The following EPSTI1 variants were observed in gnomAD, a reference collection of about 807,000 sequenced individuals.
EPSTI1 encodes epithelial stromal interaction 1, also known as epithelial-stromal interaction protein 1.
In EPSTI1, 66 loss-of-function variants were observed where a neutral mutation model predicts 49.9. The observed-to-expected ratio is 1.32, with a 90% confidence interval of 1.08 to 1.62. The LOEUF (loss-of-function observed/expected upper bound fraction) is 1.62. EPSTI1 is among the 40% of genes most tolerant of loss of function. The pLI, the probability that EPSTI1 is intolerant of heterozygous loss-of-function variation, is 0.00. For synonymous variants in EPSTI1, 137 were observed against 130.7 expected (o/e 1.05, Z -0.33); for missense variants, 394 against 365.5 (o/e 1.08, Z -0.64).
At position 42,888,503 on chromosome 13, in the gene EPSTI1, C is replaced by A; in HGVS notation, c.916-1G>T. Reference sequence around the variant, plus strand: ...AGGAGTCAATATTTTCTCATATACCCTGGAAGAAAAAGAAAACAAAAATTA... The same window carrying A: ...AGGAGTCAATATTTTCTCATATACCATGGAAGAAAAAGAAAACAAAAATTA... On this transcript the variant is annotated splice_acceptor_variant, in intron 10 of 10. Transcript: ENST00000313624. LOFTEE classifies it high-confidence loss of function. 6.3e-7 allele frequency: 1 copy of A among 1,584,212 alleles called. No individual in the cohort carries two copies. Among genetic ancestry groups the A allele is most frequent in the Non-Finnish European group, 8.6e-7 (1 of 1,167,180 alleles).
At chr13:42,934,337 T>A (rs140715039) in intron 6 of EPSTI1, 1 of 156,208 alleles carries the variant, frequency 6.4e-6, no homozygotes, top group African/African-American at 2.4e-5. Flanking sequence ...ATCAAAGCAC[T>A]GACTGCAGTG....
chr13:42,961,313 T>G (rs1338872501), intron 5 of EPSTI1, among the ~76,000 whole-genome samples: 1 of 152,110 alleles, frequency 6.6e-6, no homozygotes, highest in Non-Finnish European at 1.5e-5. Flanking sequence ...TCCACCACAG[T>G]CGGTTTCAAA....
intron 1 of EPSTI1, among the ~76,000 whole-genome samples, chr13:42,972,362 T>A (rs922510782): frequency 6.6e-6 from 1 of 152,192 alleles, no homozygotes; most frequent in Non-Finnish European, 1.5e-5. Context: ...AGTTCCAAGA[T>A]GATGCTGTTC....
At chr13:42,968,783 C>G (rs574333451) in intron 3 of EPSTI1, among the ~76,000 whole-genome samples, 110 of 152,156 alleles carry the variant, frequency 7.2e-4, no homozygotes, top group African/African-American at 2.4e-3. Context: ...AGGGCATATG[C>G]AGCGCCCCAG....
intron 5 of EPSTI1, among the ~76,000 whole-genome samples, chr13:42,962,636 T>G (rs67543365): frequency 8.3e-6 from 1 of 120,054 alleles, no homozygotes; most frequent in Non-Finnish European, 1.7e-5. Context: ...AAAAAAAAAA[T>G]AGCTATAGTG....
chr13:42,960,479 CGTT>C (rs1398527707), intron 5 of EPSTI1, among the ~76,000 whole-genome samples: 1 of 152,134 alleles, frequency 6.6e-6, no homozygotes, highest in Non-Finnish European at 1.5e-5. Context: ...GTCTTAGAGA[CGTT>C]GTCTCTGCTT....
chr13:42,982,540 A>G (rs892532495), intron 1 of EPSTI1, among the ~76,000 whole-genome samples: 3 of 152,170 alleles, frequency 2.0e-5, no homozygotes, highest in Admixed American at 1.3e-4. Flanking sequence ...TGGGGTCCGG[A>G]TCAGGACCCC....
intron 2 of EPSTI1, chr13:42,970,350 A>G: frequency 2.9e-6 from 1 of 343,608 alleles, no homozygotes; most frequent in Non-Finnish European, 5.2e-6. Context: ...TTTATTGGCA[A>G]TAAGTGTAAA....
At chr13:42,952,450 G>T (rs2039130063) in intron 6 of EPSTI1, among the ~76,000 whole-genome samples, 1 of 152,188 alleles carries the variant, frequency 6.6e-6, no homozygotes, top group Non-Finnish European at 1.5e-5. Context: ...TTCCGGCTGA[G>T]CCTCAAAATA....
intron 7 of EPSTI1, among the ~76,000 whole-genome samples, chr13:42,926,116 GA>G (rs982445582): frequency 6.6e-6 from 1 of 151,664 alleles, no homozygotes; most frequent in Non-Finnish European, 1.5e-5. Flanking sequence ...TGGGTGAGAG[GA>G]AAAACTTCTC....
At chr13:42,936,838 C>T (rs1305527369) in intron 6 of EPSTI1, among the ~76,000 whole-genome samples, 4 of 152,128 alleles carry the variant, frequency 2.6e-5, no homozygotes, top group Admixed American at 6.5e-5. Context: ...TTAACTTAAA[C>T]TCTTGATATT....
intron 8 of EPSTI1, among the ~76,000 whole-genome samples, chr13:42,915,965 A>G (rs111334590): frequency 1.3e-5 from 2 of 152,126 alleles, no homozygotes; most frequent in Non-Finnish European, 2.9e-5. Context: ...TTCCAAATAT[A>G]TATGTCAAAC....
At chr13:42,936,560 G>A (rs1010823734) in intron 6 of EPSTI1, among the ~76,000 whole-genome samples, 8 of 152,092 alleles carry the variant, frequency 5.3e-5, no homozygotes, top group Admixed American at 2.0e-4. Context: ...CCGACTTCTC[G>A]GATGTCCTTT....
Position 42,921,837 on chromosome 13 carries a change from C to T in EPSTI1, c.658-4213G>A, listed in dbSNP as rs553952704. ...TACAAACACCCAGGACAGGTTAAAG[C>T]AGGAGGAAAGAGGGATCCAGGAGGG... is the stretch of plus-strand genomic sequence containing the variant. On this transcript the variant is annotated intron_variant, in intron 7 of 10. Coordinates refer to ENST00000313624, the MANE Select transcript of EPSTI1 (RefSeq NM_033255.5). Among the ~76,000 whole-genome samples the T allele has an allele frequency of 4.7e-5, 7 of 150,252 alleles. No homozygotes were observed. The South Asian group carries it at 1.3e-3, about 27-fold the overall frequency.
intron 10 of EPSTI1, among the ~76,000 whole-genome samples, chr13:42,893,714 GCTTT>G (rs2037105821): frequency 6.6e-6 from 1 of 152,250 alleles, no homozygotes; most frequent in African/African-American, 2.4e-5. Flanking sequence ...CCAGATAGGT[GCTTT>G]CTAAGTTTTA....
intron 9 of EPSTI1, among the ~76,000 whole-genome samples, chr13:42,896,019 C>A (rs998969688): frequency 1.3e-5 from 2 of 152,134 alleles, no homozygotes; most frequent in African/African-American, 4.8e-5. Context: ...AGGCCAGTGA[C>A]TGTGGGAGAT....
chr13:42,970,692 A>G (rs1430515438), intron 1 of EPSTI1, 22 bp from the exon 2 acceptor site: 2 of 1,463,762 alleles, frequency 1.4e-6, no homozygotes, highest in Middle Eastern at 1.8e-4. Context: ...AGAAAAAAAA[A>G]TGCTTATTAC....
In EPSTI1 at chr13:42,912,939, C is replaced by T. The variant is rs2037728299; in HGVS notation, c.741+4602G>A. 1.3e-5 allele frequency among the ~76,000 whole-genome samples: 2 copies of T among 150,446 alleles called. 1 individual carries two copies. Among genetic ancestry groups the T allele is most frequent in the African/African-American group, 4.9e-5 (2 of 40,838 alleles). ...ATGTCCCAGAAATGGAGAGCAAAGA[C>T]AATAAGGGTAAAGAGACATAAAAGA... On this transcript the variant is annotated intron_variant, in intron 8 of 10. Transcript: ENST00000313624.
rs192189623 is a variant in EPSTI1, at chr13:42,953,240, T to A, written c.563+708A>T. ...CAAATGGCCTATAAGATAGATATTATCTGTATTTAAGAAAAAAAAAAAAAA... is the reference window on the plus strand; with the variant it reads ...CAAATGGCCTATAAGATAGATATTAACTGTATTTAAGAAAAAAAAAAAAAA... On this transcript the variant is annotated intron_variant, in intron 6 of 10. Transcript: ENST00000313624. Among the ~76,000 whole-genome samples the A allele has an allele frequency of 9.0e-3, 999 of 110,900 alleles. 11 individuals carry two copies. The highest frequency in any genetic ancestry group is 0.031 in the Middle Eastern group (8 of 258). 72.8% of individuals were successfully genotyped at this position (110,900 alleles called of 152,430 possible). A position where few individuals can be genotyped will look rare whatever the true frequency, so the allele number is the denominator to read the frequency against.
Sources: gnomAD v4.1 joint callset for allele counts (sites outside exome capture counted in the v4.1 genomes callset) on GRCh38, gnomAD v4.1.1 for gene constraint, MANE v1.5 for transcripts, NCBI Gene and HGNC (gene_info 2026-07-23, HGNC 2026-07-21) for gene names.